CLSTN2: variants seen among roughly 807,000 people sequenced by gnomAD.
CLSTN2 encodes calsyntenin-2.
CLSTN2 carries 48 observed loss-of-function variants against 101.2 expected under a neutral mutation model. The observed-to-expected ratio is 0.47, with a 90% CI of 0.38 to 0.60. The LOEUF is 0.60. CLSTN2 is among the 20% of genes least tolerant of loss of function. The pLI is 0.00. For synonymous variants in CLSTN2, 481 were observed against 463.6 expected (o/e 1.04, Z -0.48); for missense variants, 1,160 against 1,238.2 (o/e 0.94, Z 0.95).
intron 1 of CLSTN2, among the ~76,000 whole-genome samples, chr3:140,153,981 G>C (rs1049010310): frequency 1.3e-5 from 2 of 152,128 alleles, no homozygotes; most frequent in South Asian, 2.1e-4. Flanking sequence ...TGCCATTTCC[G>C]GGCACTGTCT....
intron 2 of CLSTN2, among the ~76,000 whole-genome samples, chr3:140,278,259 G>A (rs2086813026): frequency 6.6e-6 from 1 of 152,146 alleles, no homozygotes; most frequent in Admixed American, 6.5e-5. Context: ...GGTCCTCAGG[G>A]TGTTATTCTG....
chr3:140,124,505 A>G (rs1383144284), intron 1 of CLSTN2, among the ~76,000 whole-genome samples: 1 of 152,152 alleles, frequency 6.6e-6, no homozygotes, highest in Non-Finnish European at 1.5e-5. Flanking sequence ...AAAAATTTTG[A>G]AAGTAGAGCC....
intron 1 of CLSTN2, among the ~76,000 whole-genome samples, chr3:140,038,009 A>C (rs4683470): frequency 0.11 from 17,187 of 152,092 alleles, 1,188 homozygotes; most frequent in East Asian, 0.2. Context: ...ATGAACATAC[A>C]CGTGCAAGTA....
chr3:140,231,854 T>C (rs931489904), intron 2 of CLSTN2, among the ~76,000 whole-genome samples: 19 of 152,194 alleles, frequency 1.2e-4, no homozygotes, highest in African/African-American at 4.6e-4. Flanking sequence ...CTGTGTAGTG[T>C]AGTAGTTAGG....
intron 1 of CLSTN2, among the ~76,000 whole-genome samples, chr3:140,136,033 T>A (rs2009611537): frequency 6.6e-6 from 1 of 152,238 alleles, no homozygotes; most frequent in African/African-American, 2.4e-5. Flanking sequence ...TGAGGGTCAC[T>A]TTCATTCTTA....
At chr3:140,365,586 T>G (rs1161733538) in intron 2 of CLSTN2, among the ~76,000 whole-genome samples, 2 of 152,056 alleles carry the variant, frequency 1.3e-5, no homozygotes, top group African/African-American at 4.8e-5. Flanking sequence ...ATTGTGATCA[T>G]CGGGGAAACT....
intron 2 of CLSTN2, among the ~76,000 whole-genome samples, chr3:140,359,296 G>A (rs1027769766): frequency 3.3e-5 from 5 of 152,146 alleles, no homozygotes; most frequent in Admixed American, 1.3e-4. Flanking sequence ...GAACAAAAAC[G>A]TTGGAACTTC....
At chr3:140,563,726 C>G (rs568377322) in intron 15 of CLSTN2, among the ~76,000 whole-genome samples, 9 of 152,278 alleles carry the variant, frequency 5.9e-5, no homozygotes, top group Non-Finnish European at 1.2e-4. Context: ...TATGTGGAAA[C>G]TCACAGATTA....
chr3:140,194,012 T>G (rs1362756937), intron 2 of CLSTN2, among the ~76,000 whole-genome samples: 1 of 152,190 alleles, frequency 6.6e-6, no homozygotes, highest in Non-Finnish European at 1.5e-5. Context: ...GACTTTCTAC[T>G]TCTTTTCTTG....
intron 2 of CLSTN2, among the ~76,000 whole-genome samples, chr3:140,234,699 A>G (rs995460131): frequency 6.6e-6 from 1 of 152,102 alleles, no homozygotes; most frequent in South Asian, 2.1e-4. Context: ...GTATATCCCA[A>G]TGCCTACGTG....
chr3:139,983,822 G>A (rs1935976142), intron 1 of CLSTN2, among the ~76,000 whole-genome samples: 1 of 151,958 alleles, frequency 6.6e-6, no homozygotes, highest in Admixed American at 6.6e-5. Context: ...GTTAAATGAA[G>A]CTTACCCAAT....
chr3:140,510,591 G>A (rs528172730), intron 8 of CLSTN2, among the ~76,000 whole-genome samples: 2 of 152,290 alleles, frequency 1.3e-5, no homozygotes, highest in East Asian at 3.9e-4. Context: ...TGGTCTCTTT[G>A]ACACAGGCTA....
intron 1 of CLSTN2, among the ~76,000 whole-genome samples, chr3:139,949,344 T>A (rs1935258020): frequency 6.6e-6 from 1 of 152,150 alleles, no homozygotes; most frequent in Non-Finnish European, 1.5e-5. Flanking sequence ...AAGGCTGGTG[T>A]GTGGAGTTTT....
At chr3:140,177,619 A>G (rs1266760920) in intron 2 of CLSTN2, among the ~76,000 whole-genome samples, 1 of 151,994 alleles carries the variant, frequency 6.6e-6, no homozygotes, top group Non-Finnish European at 1.5e-5. Context: ...ATCAGAACCC[A>G]TCTCTACAAA....
At chr3:140,385,918 A>T (rs1432175767) in intron 2 of CLSTN2, among the ~76,000 whole-genome samples, 1 of 152,156 alleles carries the variant, frequency 6.6e-6, no homozygotes, top group African/African-American at 2.4e-5. Flanking sequence ...TGGCAAAGAG[A>T]AGCACGGAGG....
chr3:140,335,219 C>T (rs779640085), intron 2 of CLSTN2, among the ~76,000 whole-genome samples: 34 of 152,220 alleles, frequency 2.2e-4, no homozygotes, highest in Admixed American at 1.3e-4. Context: ...GATGGGCAGC[C>T]TGCCTTGGCC....
At chr3:140,513,020 C>G (rs755665763) in intron 8 of CLSTN2, among the ~76,000 whole-genome samples, 1 of 152,150 alleles carries the variant, frequency 6.6e-6, no homozygotes, top group Non-Finnish European at 1.5e-5. Flanking sequence ...TCAACTAAGA[C>G]GATGGGATTT....
chr3:139,997,819 T>C (rs2006716996), intron 1 of CLSTN2, among the ~76,000 whole-genome samples: 1 of 152,210 alleles, frequency 6.6e-6, no homozygotes, highest in Non-Finnish European at 1.5e-5. Context: ...AAAATTTTTT[T>C]TGAATGGAGT....
intron 8 of CLSTN2, among the ~76,000 whole-genome samples, 184 bp from the exon 9 acceptor site, chr3:140,532,140 C>A (rs777691982): frequency 5.1e-4 from 78 of 152,138 alleles, no homozygotes; most frequent in Non-Finnish European, 4.0e-4. Flanking sequence ...TCCCAGTTTG[C>A]CCCATCATGT....
Sources: allele counts gnomAD v4.1 joint callset (sites outside exome capture counted in the v4.1 genomes callset), GRCh38; gene constraint gnomAD v4.1.1; transcripts MANE v1.5; gene names NCBI Gene and HGNC (gene_info 2026-07-23, HGNC 2026-07-21).